Variants in ALK observed in about 807,000 individuals in gnomAD.
ALK encodes ALK receptor tyrosine kinase.
Under a neutral mutation model 163.1 loss-of-function variants are expected in ALK, and 74 were observed. That is an observed-to-expected ratio of 0.45 (90% CI 0.38 to 0.55). The LOEUF (loss-of-function observed/expected upper bound fraction) is 0.55. ALK is among the 20% of genes least tolerant of loss of function. ALK has a pLI of 0.00. For synonymous variants in ALK, 960 were observed against 843.2 expected (o/e 1.14, Z -2.40); for missense variants, 2,063 against 2,105.3 (o/e 0.98, Z 0.39).
At chr2:29,339,343 G>A (rs967472201) in intron 5 of ALK, among the ~76,000 whole-genome samples, 2 of 152,132 alleles carry the variant, frequency 1.3e-5, no homozygotes, top group African/African-American at 2.4e-5. Flanking sequence ...GTGGAGGAGC[G>A]GAAACTGCAA....
At chr2:29,739,482 C>T (rs762251324) in intron 1 of ALK, among the ~76,000 whole-genome samples, 11 of 150,228 alleles carry the variant, frequency 7.3e-5, no homozygotes, top group Middle Eastern at 3.5e-3. Context: ...TGCTTGAGCC[C>T]GGGAGGCAGA....
chr2:29,614,698 T>C (rs148346520), intron 3 of ALK, among the ~76,000 whole-genome samples: 340 of 152,312 alleles, frequency 2.2e-3, no homozygotes, highest in African/African-American at 7.6e-3. Context: ...GAATTTCCCA[T>C]CCTTCACCAT....
intron 24 of ALK, among the ~76,000 whole-genome samples, chr2:29,213,772 C>T (rs1669523793): frequency 6.6e-6 from 1 of 152,036 alleles, no homozygotes; most frequent in Admixed American, 6.5e-5. Flanking sequence ...TTACTGGAGC[C>T]CAGAAATTCG....
intron 4 of ALK, among the ~76,000 whole-genome samples, chr2:29,511,922 A>G (rs575213622): frequency 6.6e-6 from 1 of 152,140 alleles, no homozygotes; most frequent in African/African-American, 2.4e-5. Flanking sequence ...AACGTCTATT[A>G]AAATATTTTG....
intron 3 of ALK, among the ~76,000 whole-genome samples, chr2:29,627,148 C>T (rs1018721756): frequency 1.1e-4 from 16 of 152,222 alleles, no homozygotes; most frequent in African/African-American, 3.6e-4. Context: ...CTCTGCTGGG[C>T]AAGACACTCT....
At chr2:29,384,097 C>G (rs1486503659) in intron 4 of ALK, among the ~76,000 whole-genome samples, 1 of 152,228 alleles carries the variant, frequency 6.6e-6, no homozygotes, top group African/African-American at 2.4e-5. Flanking sequence ...AGTCTCACCA[C>G]TGGCATTCCT....
chr2:29,497,725 A>G (rs2148129512), intron 4 of ALK, among the ~76,000 whole-genome samples: 2 of 152,330 alleles, frequency 1.3e-5, no homozygotes, highest in South Asian at 2.1e-4. Context: ...TTCTGCTCAC[A>G]TGGGAACTCA....
At chr2:29,841,967 T>C (rs922220297) in intron 1 of ALK, among the ~76,000 whole-genome samples, 1 of 152,006 alleles carries the variant, frequency 6.6e-6, no homozygotes, top group African/African-American at 2.4e-5. Flanking sequence ...TCCTGAAAAC[T>C]AACGTTCCCT....
At chr2:29,215,939 C>G (rs931667527) in intron 23 of ALK, among the ~76,000 whole-genome samples, 2 of 152,286 alleles carry the variant, frequency 1.3e-5, no homozygotes, top group Non-Finnish European at 1.5e-5. Context: ...CCAGCAGCCT[C>G]GGGCAGTGCC....
At chr2:29,844,832 A>G (rs1208962747) in intron 1 of ALK, among the ~76,000 whole-genome samples, 3 of 149,576 alleles carry the variant, frequency 2.0e-5, no homozygotes, top group African/African-American at 4.9e-5. Flanking sequence ...CTGAGAATGC[A>G]ATCACCTTCA....
intron 1 of ALK, among the ~76,000 whole-genome samples, chr2:29,904,016 A>C (rs1667477665): frequency 6.6e-6 from 1 of 152,332 alleles, no homozygotes; most frequent in South Asian, 2.1e-4. Context: ...GCCCAGATTA[A>C]AAAAGAATAA....
rs140995872 is a variant in ALK, at chr2:29,875,692, C to T, written c.667+44301G>A. Among the ~76,000 whole-genome samples the T allele has an allele frequency of 2.2e-3, 335 of 152,282 alleles. 2 individuals are homozygous for T. The highest frequency in any genetic ancestry group is 7.9e-3 in the African/African-American group (327 of 41,556). On this transcript the variant is annotated intron_variant, in intron 1 of 28. Coordinates refer to ENST00000389048, the MANE Select transcript of ALK (RefSeq NM_004304.5). Reference sequence around the variant, plus strand: ...GTGAGAACATGTGGTGTTTGGTTTTCTGTTGCTGTGTTAGCTTGCTGAGAA... The same window carrying T: ...GTGAGAACATGTGGTGTTTGGTTTTTTGTTGCTGTGTTAGCTTGCTGAGAA...
At chr2:29,366,357 G>C (rs1188172348) in intron 5 of ALK, among the ~76,000 whole-genome samples, 1 of 152,200 alleles carries the variant, frequency 6.6e-6, no homozygotes, top group South Asian at 2.1e-4. Flanking sequence ...CAGATGACCT[G>C]TGTGCCCCAA....
At position 29,529,214 on chromosome 2, in the gene ALK, C is replaced by T. The variant is rs1673050780; in HGVS notation, c.1154+2701G>A. Among the ~76,000 whole-genome samples the T allele has an allele frequency of 2.0e-5, 3 of 152,196 alleles. No homozygotes were observed. In the South Asian group the frequency reaches 6.2e-4, roughly 31 times the overall value. Reference sequence around the variant, plus strand: ...ACTTGGTGGCGTCTGACTTGTCATTCCTCAGCCCACTCCTCTGAGTCAGGC... The same window carrying T: ...ACTTGGTGGCGTCTGACTTGTCATTTCTCAGCCCACTCCTCTGAGTCAGGC... On this transcript the variant is annotated intron_variant, in intron 4 of 28. Transcript: ENST00000389048.
At chr2:29,543,396 G>A (rs1314188656) in intron 3 of ALK, among the ~76,000 whole-genome samples, 1 of 152,192 alleles carries the variant, frequency 6.6e-6, no homozygotes, top group African/African-American at 2.4e-5. Context: ...TGCATAATTT[G>A]CCTGATGGAC....
At chr2:29,221,434 T>G (rs1422273417) in intron 22 of ALK, among the ~76,000 whole-genome samples, 1 of 152,070 alleles carries the variant, frequency 6.6e-6, no homozygotes, top group Non-Finnish European at 1.5e-5. Context: ...TGTGTGTGCA[T>G]ACACACATGT....
chr2:29,471,961 T>G (rs764135749), intron 4 of ALK, among the ~76,000 whole-genome samples: 2 of 152,198 alleles, frequency 1.3e-5, no homozygotes, highest in Non-Finnish European at 2.9e-5. Flanking sequence ...CAGGCTGGCC[T>G]CAAACTCCTG....
At chr2:29,337,057 C>A (rs1451318806) in intron 5 of ALK, among the ~76,000 whole-genome samples, 1 of 152,132 alleles carries the variant, frequency 6.6e-6, no homozygotes, top group African/African-American at 2.4e-5. Flanking sequence ...AGCCTCAAGA[C>A]ATGAAAATGG....
intron 1 of ALK, among the ~76,000 whole-genome samples, chr2:29,737,939 C>T (rs752105613): frequency 4.6e-5 from 7 of 151,842 alleles, no homozygotes; most frequent in South Asian, 2.1e-4. Flanking sequence ...CCAAGGTGAG[C>T]GGGAGAACAA....
Sources: gnomAD v4.1 joint callset for allele counts (sites outside exome capture counted in the v4.1 genomes callset) on GRCh38, gnomAD v4.1.1 for gene constraint, MANE v1.5 for transcripts, NCBI Gene and HGNC (gene_info 2026-07-23, HGNC 2026-07-21) for gene names.